The following PPARGC1B variants were observed in gnomAD, a reference collection of about 807,000 sequenced individuals.
PPARGC1B encodes the protein PPARG coactivator 1 beta, also known as peroxisome proliferator-activated receptor gamma coactivator 1-beta.
PPARGC1B carries 34 observed loss-of-function variants against 101.6 expected under a neutral mutation model. That is an observed-to-expected ratio of 0.33 (90% CI 0.25 to 0.45). PPARGC1B has a LOEUF of 0.45. Among genes scored for constraint, PPARGC1B ranks in the 20% least tolerant of loss-of-function variants. The pLI, the probability that PPARGC1B is intolerant of heterozygous loss-of-function variation, is 1.00. For missense variants in PPARGC1B, 1,234 were observed against 1,317.6 expected, an observed-to-expected ratio of 0.94 and a Z score of 0.98; for synonymous variants, 548 against 539.3, an observed-to-expected ratio of 1.02 and a Z score of -0.22.
At chr5:149,750,015 T>G (rs1271448530) in intron 1 of PPARGC1B, among the ~76,000 whole-genome samples, 1 of 152,136 alleles carries the variant, frequency 6.6e-6, no homozygotes, top group East Asian at 1.9e-4. Context: ...CTGCACCCAG[T>G]GGGTAATGTC....
chr5:149,845,902 T>A lies in PPARGC1B; in HGVS notation c.2959T>A (p.Tyr987Asn), dbSNP rs1759536989. Residue 987 changes from tyrosine to asparagine, a missense_variant, in exon 11 of 12, where the codon TAC (tyrosine) becomes AAC (asparagine). Tyr to Asn is a moderately radical substitution (Grantham distance 143, BLOSUM62 -2). This residue lies in a region of PPARGC1B where 497 missense variants were observed against 529.5 expected (regional missense o/e 0.94). Transcript: ENST00000309241. The stretch of plus-strand genomic sequence containing the variant: ...GCTCCGGCACTTCTGCTGGCCCAGA[T>A]ACACTGACTACGGTAAGCCCCTGAA... ...GGLRHFCWPR[Y>N]TDYDSNSEEA... 2 of 1,614,234 alleles carry A rather than the reference T, an allele frequency of 1.2e-6. No individual in the cohort carries two copies. The highest frequency in any genetic ancestry group is 1.7e-6 in the Non-Finnish European group (2 of 1,180,038).
intron 1 of PPARGC1B, among the ~76,000 whole-genome samples, chr5:149,774,704 G>A (rs1276904179): frequency 6.6e-6 from 1 of 151,854 alleles, no homozygotes; most frequent in Non-Finnish European, 1.5e-5. Context: ...GTGTGACCTG[G>A]CAGCTGGGCA....
intron 2 of PPARGC1B, among the ~76,000 whole-genome samples, chr5:149,823,687 G>A (rs2113366657): frequency 6.6e-6 from 1 of 152,330 alleles, no homozygotes; most frequent in East Asian, 1.9e-4. Flanking sequence ...GCTGGAGGAA[G>A]CAGTGGCCAG....
chr5:149,850,608 G>C lies in PPARGC1B; in HGVS notation c.*3050G>C, dbSNP rs1199337822. 6.6e-6 allele frequency: 1 copy of C among 152,160 alleles called. No individual in the cohort carries two copies. Among genetic ancestry groups the C allele is most frequent in the Non-Finnish European group, 1.5e-5 (1 of 68,046 alleles). The allele number at this position is 152,160 out of a possible 1,614,324, so 9.4% of individuals were successfully genotyped here. On this transcript the variant is annotated 3_prime_UTR_variant, in exon 12 of 12. Transcript: ENST00000309241. ...TATTCAGAAAAACGAGTGAACCTTG[G>C]TCTCTTTCCCACCAAATTGAGGAGT...
chr5:149,756,512 A>T (rs1051875038), intron 1 of PPARGC1B, among the ~76,000 whole-genome samples: 14 of 152,140 alleles, frequency 9.2e-5, no homozygotes, highest in African/African-American at 3.4e-4. Flanking sequence ...ATTCATACTA[A>T]AGTGCCTGTT....
intron 2 of PPARGC1B, among the ~76,000 whole-genome samples, chr5:149,824,310 C>T (rs952063947): frequency 6.6e-6 from 1 of 152,178 alleles, no homozygotes; most frequent in Non-Finnish European, 1.5e-5. Flanking sequence ...TGACTTCCCT[C>T]TAGAATCTGC....
intron 1 of PPARGC1B, among the ~76,000 whole-genome samples, chr5:149,817,421 A>G (rs1025966348): frequency 6.6e-6 from 1 of 152,190 alleles, no homozygotes; most frequent in African/African-American, 2.4e-5. Flanking sequence ...TTGAGGCTAC[A>G]GTGAGTCGTG....
intron 1 of PPARGC1B, among the ~76,000 whole-genome samples, chr5:149,807,420 C>T (rs550222091): frequency 2.4e-4 from 37 of 152,230 alleles, no homozygotes; most frequent in African/African-American, 8.9e-4. Flanking sequence ...GTCGCCCCTT[C>T]AGCCGTGTGA....
intron 1 of PPARGC1B, among the ~76,000 whole-genome samples, chr5:149,733,942 G>A (rs1754593158): frequency 6.6e-6 from 1 of 152,116 alleles, no homozygotes; most frequent in African/African-American, 2.4e-5. Flanking sequence ...TGAGAAATAT[G>A]TAACATGACC....
intron 1 of PPARGC1B, among the ~76,000 whole-genome samples, chr5:149,805,833 GA>G (rs1326027197): frequency 3.9e-5 from 6 of 152,244 alleles, no homozygotes; most frequent in African/African-American, 1.4e-4. Flanking sequence ...ATAAACATGG[GA>G]AACCTAATTA....
At position 149,852,808 on chromosome 5, in the gene PPARGC1B, G is replaced by A. The variant is rs1055111066; in HGVS notation, c.*5250G>A. The A allele has an allele frequency of 2.6e-5, 4 of 151,604 alleles. No individual in the cohort carries two copies. The highest frequency in any genetic ancestry group is 1.9e-4 in the East Asian group (1 of 5,170). The allele number at this position is 151,604 out of a possible 1,614,324, so 9.4% of individuals were successfully genotyped here. ...TGGGGCAACAGGAGGCATTGATCGC[G>A]CTGCATATGTTTAGGGCAGCTTTTG... On this transcript the variant is annotated 3_prime_UTR_variant, in exon 12 of 12. Coordinates refer to ENST00000309241, the MANE Select transcript of PPARGC1B (RefSeq NM_133263.4).
In PPARGC1B at chr5:149,757,473, A is replaced by G. The variant is rs184955567; in HGVS notation, c.78+27053A>G. 1.2e-3 allele frequency among the ~76,000 whole-genome samples: 187 copies of G among 152,248 alleles called. 3 individuals carry two copies. Among genetic ancestry groups the G allele is most frequent in the African/African-American group, 4.3e-3 (179 of 41,536 alleles). On this transcript the variant is annotated intron_variant, in intron 1 of 11. Coordinates refer to ENST00000309241, the MANE Select transcript of PPARGC1B (RefSeq NM_133263.4). ...TGCATTTGAGGCCATCGCTTGAGCT[A>G]CAGTATTTATTTGAAATGAGTAAAA...
intron 1 of PPARGC1B, among the ~76,000 whole-genome samples, chr5:149,738,491 G>A (rs1281615122): frequency 6.6e-6 from 1 of 152,158 alleles, no homozygotes; most frequent in Non-Finnish European, 1.5e-5. Context: ...TGGAATACAA[G>A]TCTGGTGGAA....
intron 1 of PPARGC1B, among the ~76,000 whole-genome samples, chr5:149,755,615 GTTATTA>G (rs142788730): frequency 0.017 from 2,284 of 137,050 alleles, 31 homozygotes; most frequent in East Asian, 0.066. Flanking sequence ...TATTATTATT[GTTATTA>G]TTATTATTAT....
At chr5:149,744,607 G>A (rs1755024654) in intron 1 of PPARGC1B, among the ~76,000 whole-genome samples, 1 of 152,172 alleles carries the variant, frequency 6.6e-6, no homozygotes, top group Admixed American at 6.5e-5. Context: ...TCTATCAAAA[G>A]CAGGCAAAAG....
rs1209135833 is a variant in PPARGC1B, at chr5:149,854,450, AC to A, written c.*6894del. 6.6e-6 allele frequency: 1 copy of A among 152,064 alleles called. No individual in the cohort carries two copies. Among genetic ancestry groups the A allele is most frequent in the East Asian group, 1.9e-4 (1 of 5,190 alleles). The allele number at this position is 152,064 out of a possible 1,614,324, so 9.4% of individuals were successfully genotyped here. A position where few individuals can be genotyped will look rare whatever the true frequency, so the allele number is the denominator to read the frequency against. ...TTATTGAGAAAGGTGCAAGAATTTC[AC>A]CTACACAGAGGGACACATCTGCTTT... is the stretch of plus-strand genomic sequence containing the variant. On this transcript the variant is annotated 3_prime_UTR_variant, in exon 12 of 12. Coordinates refer to ENST00000309241, the MANE Select transcript of PPARGC1B (RefSeq NM_133263.4).
chr5:149,836,600 T>A lies in PPARGC1B; in HGVS notation c.2145T>A (p.Ser715=). 1 of 1,613,870 alleles carries A rather than the reference T, an allele frequency of 6.2e-7. No homozygotes were observed. The change falls in exon 8 of 12, where the codon TCT becomes TCA. Residue 715 remains serine, a synonymous_variant. Coordinates refer to ENST00000309241, the MANE Select transcript of PPARGC1B (RefSeq NM_133263.4). ...QRKVLRSWEP[S]GVHLEDWPQQ... Reference sequence around the variant, plus strand: ...AGGTGCTGAGGTCCTGGGAGCCGTCTGGGGTTCACCTTGAGGACTGGCCCC... The same window carrying A: ...AGGTGCTGAGGTCCTGGGAGCCGTCAGGGGTTCACCTTGAGGACTGGCCCC...
At chr5:149,820,687 T>C in intron 2 of PPARGC1B, 81 bp downstream of exon 2, 1 of 1,386,478 alleles carries the variant, frequency 7.2e-7, no homozygotes, top group South Asian at 1.3e-5. Flanking sequence ...CTGCTCTGCC[T>C]TCTCCTGCAC....
At chr5:149,794,006 G>A (rs912556717) in intron 1 of PPARGC1B, among the ~76,000 whole-genome samples, 5 of 152,284 alleles carry the variant, frequency 3.3e-5, no homozygotes, top group South Asian at 4.1e-4. Context: ...AGCCATGCCC[G>A]TTTATTTATG....
Sources: allele counts gnomAD v4.1 joint callset (sites outside exome capture counted in the v4.1 genomes callset), GRCh38; gene constraint gnomAD v4.1.1; regional missense constraint gnomAD v4.1.1; transcripts MANE v1.5; gene names NCBI Gene and HGNC (gene_info 2026-07-23, HGNC 2026-07-21).